PLCXD3: variants seen among roughly 807,000 people sequenced by gnomAD.
PLCXD3 encodes PI-PLC X domain-containing protein 3.
A neutral mutation model predicts 25.5 loss-of-function variants in PLCXD3; 19 were observed. The observed-to-expected ratio is 0.75, with a 90% CI of 0.52 to 1.09. The LOEUF is 1.09. PLCXD3 is among the 50% of genes least tolerant of loss of function. PLCXD3 has a pLI of 0.00. For synonymous variants in PLCXD3, 174 were observed against 137.6 expected, an observed-to-expected ratio of 1.26 and a Z score of -1.85; for missense variants, 411 against 388.1, an observed-to-expected ratio of 1.06 and a Z score of -0.50.
At chr5:41,421,313 A>T (rs1012700578) in intron 1 of PLCXD3, among the ~76,000 whole-genome samples, 1 of 152,188 alleles carries the variant, frequency 6.6e-6, no homozygotes, top group African/African-American at 2.4e-5. Flanking sequence ...GCTCTAATAT[A>T]TAAGTAATTT....
chr5:41,332,296 T>C (rs1244139962), intron 2 of PLCXD3, among the ~76,000 whole-genome samples: 7 of 151,970 alleles, frequency 4.6e-5, no homozygotes, highest in African/African-American at 9.7e-5. Flanking sequence ...CATGAACAGA[T>C]ACTTCTCAAA....
At chr5:41,486,832 T>C (rs1748529060) in intron 1 of PLCXD3, among the ~76,000 whole-genome samples, 1 of 152,188 alleles carries the variant, frequency 6.6e-6, no homozygotes, top group African/African-American at 2.4e-5. Flanking sequence ...ATCTCAATTT[T>C]AGAGCTGAGA....
intron 1 of PLCXD3, among the ~76,000 whole-genome samples, chr5:41,384,526 T>C (rs1384361348): frequency 6.6e-6 from 1 of 152,000 alleles, no homozygotes; most frequent in African/African-American, 2.4e-5. Context: ...TAGATGAAAG[T>C]AATTGGTTAC....
intron 1 of PLCXD3, among the ~76,000 whole-genome samples, chr5:41,507,135 A>C (rs1231903560): frequency 6.6e-6 from 1 of 152,156 alleles, no homozygotes; most frequent in Non-Finnish European, 1.5e-5. Flanking sequence ...ATGATTACAG[A>C]GTTAGAACTC....
intron 1 of PLCXD3, among the ~76,000 whole-genome samples, chr5:41,484,748 C>T (rs1343751279): frequency 1.3e-5 from 2 of 152,252 alleles, no homozygotes; most frequent in East Asian, 3.9e-4. Flanking sequence ...TCTATAATTA[C>T]ATTGACATAT....
intron 1 of PLCXD3, among the ~76,000 whole-genome samples, chr5:41,389,916 T>C (rs953423136): frequency 2.6e-5 from 4 of 151,986 alleles, no homozygotes; most frequent in African/African-American, 9.7e-5. Flanking sequence ...GTTTGAAAAA[T>C]GTATGCATCC....
At chr5:41,453,683 T>C (rs950162155) in intron 1 of PLCXD3, among the ~76,000 whole-genome samples, 2 of 152,066 alleles carry the variant, frequency 1.3e-5, no homozygotes, top group African/African-American at 4.8e-5. Flanking sequence ...ATGTGGTAAG[T>C]ACAAAATATA....
chr5:41,486,625 A>G (rs1168495277), intron 1 of PLCXD3, among the ~76,000 whole-genome samples: 1 of 152,154 alleles, frequency 6.6e-6, no homozygotes, highest in Non-Finnish European at 1.5e-5. Context: ...TGAGACAAGA[A>G]ACAAAGGAGC....
At chr5:41,498,166 G>T (rs1479451245) in intron 1 of PLCXD3, among the ~76,000 whole-genome samples, 1 of 151,244 alleles carries the variant, frequency 6.6e-6, no homozygotes, top group Non-Finnish European at 1.5e-5. Context: ...AAATTTAGTA[G>T]AATTAAGGAA....
intron 2 of PLCXD3, among the ~76,000 whole-genome samples, chr5:41,316,977 G>T (rs1277806287): frequency 6.6e-6 from 1 of 152,198 alleles, no homozygotes; most frequent in Non-Finnish European, 1.5e-5. Flanking sequence ...TTTGCCACCT[G>T]CTGATTGTTC....
chr5:41,361,892 C>T (rs1290462874), intron 2 of PLCXD3, among the ~76,000 whole-genome samples: 1 of 152,176 alleles, frequency 6.6e-6, no homozygotes, highest in Non-Finnish European at 1.5e-5. Flanking sequence ...TCAAAGCTCT[C>T]ACAGATGAGA....
At chr5:41,481,179 G>C (rs1748407427) in intron 1 of PLCXD3, among the ~76,000 whole-genome samples, 2 of 148,996 alleles carry the variant, frequency 1.3e-5, no homozygotes, top group African/African-American at 4.9e-5. Flanking sequence ...CTCTCTCTCT[G>C]TCTGCCTCAC....
intron 1 of PLCXD3, among the ~76,000 whole-genome samples, chr5:41,410,893 A>G (rs756170786): frequency 1.2e-4 from 19 of 152,084 alleles, no homozygotes; most frequent in Non-Finnish European, 2.5e-4. Context: ...TTTTTATGCC[A>G]CCTTCTCCCC....
rs536844775 is a variant in PLCXD3, at chr5:41,505,253, T to C, written c.103+5171A>G. 1.4e-4 allele frequency among the ~76,000 whole-genome samples: 21 copies of C among 148,790 alleles called. No homozygotes were observed. In the South Asian group the frequency reaches 3.9e-3, roughly 28 times the overall value. On this transcript the variant is annotated intron_variant, in intron 1 of 2. Coordinates refer to ENST00000377801, the MANE Select transcript of PLCXD3 (RefSeq NM_001005473.3). The stretch of plus-strand genomic sequence containing the variant: ...TGTGTGTGTGTGTGTGAAGTTTAAC[T>C]ATTTTAGAACAATTATAGTATCAAA...
chr5:41,341,248 C>T (rs923629132), intron 2 of PLCXD3, among the ~76,000 whole-genome samples: 5 of 152,204 alleles, frequency 3.3e-5, no homozygotes, highest in South Asian at 2.1e-4. Context: ...CCATCAATAT[C>T]GCATGTCTAC....
chr5:41,318,364 C>A (rs553925214), intron 2 of PLCXD3, among the ~76,000 whole-genome samples: 35 of 151,882 alleles, frequency 2.3e-4, no homozygotes, highest in Non-Finnish European at 4.3e-4. Context: ...ATGAACCAAT[C>A]AAAAATAAAA....
At chr5:41,338,735 A>G (rs188770122) in intron 2 of PLCXD3, among the ~76,000 whole-genome samples, 1 of 152,102 alleles carries the variant, frequency 6.6e-6, no homozygotes, top group African/African-American at 2.4e-5. Context: ...AATAATTGAT[A>G]TTCACATAAC....
chr5:41,510,384 CG>C (rs1271131853), intron 1 of PLCXD3, 39 bp downstream of exon 1: 1 of 1,519,600 alleles, frequency 6.6e-7, no homozygotes, highest in Non-Finnish European at 9.0e-7. Flanking sequence ...GCAGGTGGAG[CG>C]GGCGCCGAGC....
chr5:41,341,513 A>G (rs185857386), intron 2 of PLCXD3, among the ~76,000 whole-genome samples: 2 of 152,320 alleles, frequency 1.3e-5, no homozygotes, highest in East Asian at 3.9e-4. Flanking sequence ...AGTTGTTCCA[A>G]ATAAATTAAT....
Sources: gnomAD v4.1 joint callset for allele counts (sites outside exome capture counted in the v4.1 genomes callset) on GRCh38, gnomAD v4.1.1 for gene constraint, MANE v1.5 for transcripts, NCBI Gene and HGNC (gene_info 2026-07-23, HGNC 2026-07-21) for gene names.